SPMIP7: variants seen among roughly 807,000 people sequenced by gnomAD.
SPMIP7 encodes the protein sperm microtubule inner protein 7, also known as protein SPMIP7.
the SPMIP7 span, among the ~76,000 whole-genome samples, chr7:50,125,375 C>CACACATATATATACACATATATAT: frequency 5.7e-5 from 5 of 87,764 alleles, no homozygotes; most frequent in East Asian, 3.2e-4. Flanking sequence ...CATATATATA[C>CACACATATATATACACATATATAT]ACATATACAC....
the SPMIP7 span, chr7:50,141,487 T>C: frequency 7.8e-6 from 6 of 771,804 alleles, no homozygotes; most frequent in African/African-American, 1.7e-5. Context: ...GTGGCTTTTA[T>C]TGAACATTGC....
the SPMIP7 span, among the ~76,000 whole-genome samples, chr7:50,123,448 A>G: frequency 1.4e-5 from 2 of 143,638 alleles, no homozygotes; most frequent in African/African-American, 2.5e-5. Context: ...GGATAGCATT[A>G]GGAGATATAC....
At chr7:50,140,354 G>C in the SPMIP7 span, among the ~76,000 whole-genome samples, 4 of 152,148 alleles carry the variant, frequency 2.6e-5, no homozygotes, top group African/African-American at 7.2e-5. Context: ...CCCATCTAAG[G>C]TTTGATTTTG....
chr7:50,105,511 T>A, the SPMIP7 span, among the ~76,000 whole-genome samples: 1 of 152,228 alleles, frequency 6.6e-6, no homozygotes, highest in African/African-American at 2.4e-5. Context: ...CTTTCTAGTT[T>A]ACTACAAAGG....
chr7:50,134,484 T>G, the SPMIP7 span, among the ~76,000 whole-genome samples: 2 of 152,148 alleles, frequency 1.3e-5, no homozygotes, highest in Non-Finnish European at 2.9e-5. Flanking sequence ...TTCAAAACTT[T>G]TATTGATTAT....
chr7:50,098,747 A>G, the SPMIP7 span, among the ~76,000 whole-genome samples: 1 of 152,004 alleles, frequency 6.6e-6, no homozygotes, highest in Non-Finnish European at 1.5e-5. Flanking sequence ...TGGAGGTCTT[A>G]CCTTATTTGC....
At chr7:50,115,114 G>A in the SPMIP7 span, among the ~76,000 whole-genome samples, 1 of 151,574 alleles carries the variant, frequency 6.6e-6, no homozygotes, top group Non-Finnish European at 1.5e-5. Context: ...TTTAAGGTAA[G>A]ATGTGAAAAT....
the SPMIP7 span, among the ~76,000 whole-genome samples, chr7:50,109,375 ATTT>A: frequency 6.6e-6 from 1 of 151,234 alleles, no homozygotes; most frequent in Non-Finnish European, 1.5e-5. Context: ...TTATTTATTT[ATTT>A]ATTTATTTAT....
the SPMIP7 span, among the ~76,000 whole-genome samples, chr7:50,143,064 T>C: frequency 3.3e-5 from 5 of 152,228 alleles, no homozygotes; most frequent in Middle Eastern, 3.4e-3. Flanking sequence ...GAGAAATGGC[T>C]TTATGATAGT....
the SPMIP7 span, chr7:50,136,254 A>G: frequency 1.1e-6 from 1 of 950,374 alleles, no homozygotes; most frequent in Non-Finnish European, 1.7e-6. Flanking sequence ...CTTGGCTTAG[A>G]GGTGTGGGTG....
the SPMIP7 span, among the ~76,000 whole-genome samples, chr7:50,101,798 C>T: frequency 6.6e-6 from 1 of 152,320 alleles, no homozygotes; most frequent in South Asian, 2.1e-4. Flanking sequence ...TTGTCACAGA[C>T]AGAATCATCC....
At chr7:50,144,827 C>A in the SPMIP7 span, among the ~76,000 whole-genome samples, 2 of 152,018 alleles carry the variant, frequency 1.3e-5, no homozygotes, top group African/African-American at 4.8e-5. Flanking sequence ...TATAGCTAAA[C>A]AATTATCTTT....
At chr7:50,135,552 A>T in the SPMIP7 span, among the ~76,000 whole-genome samples, 1 of 152,236 alleles carries the variant, frequency 6.6e-6, no homozygotes, top group Non-Finnish European at 1.5e-5. Flanking sequence ...AAAGTGAATT[A>T]AAATAAAAAT....
chr7:50,114,368 GACA>G, the SPMIP7 span, among the ~76,000 whole-genome samples: 1 of 152,036 alleles, frequency 6.6e-6, no homozygotes, highest in South Asian at 2.1e-4. Context: ...TAGTATAAGG[GACA>G]GCAAAGAAAA....
the SPMIP7 span, among the ~76,000 whole-genome samples, chr7:50,135,730 G>T: frequency 1.3e-5 from 2 of 152,132 alleles, no homozygotes; most frequent in Admixed American, 1.3e-4. Context: ...ATCTAGGCTC[G>T]TTTGGAAGTG....
the SPMIP7 span, among the ~76,000 whole-genome samples, chr7:50,125,151 CA>C: frequency 4.5e-5 from 5 of 111,976 alleles, 1 homozygote; most frequent in Non-Finnish European, 9.3e-5. Flanking sequence ...CATATACACA[CA>C]TATATATACA....
At chr7:50,132,493 C>G in the SPMIP7 span, among the ~76,000 whole-genome samples, 1 of 152,096 alleles carries the variant, frequency 6.6e-6, no homozygotes, top group Non-Finnish European at 1.5e-5. Flanking sequence ...TAAGTAGTTT[C>G]TCTTTAAACA....
At chr7:50,123,812 G>A in the SPMIP7 span, among the ~76,000 whole-genome samples, 12 of 134,370 alleles carry the variant, frequency 8.9e-5, no homozygotes, top group Non-Finnish European at 1.8e-4. Flanking sequence ...AGAAAAAAAA[G>A]GAACAGAGAA....
the SPMIP7 span, chr7:50,151,375 G>C: frequency 1.8e-6 from 2 of 1,130,318 alleles, no homozygotes; most frequent in Admixed American, 4.6e-5. Flanking sequence ...ATATTTGGGT[G>C]CTAGTTACCA....
Sources: gnomAD v4.1 joint callset for allele counts (sites outside exome capture counted in the v4.1 genomes callset) on GRCh38, gnomAD v4.1.1 for gene constraint, MANE v1.5 for transcripts, NCBI Gene and HGNC (gene_info 2026-07-23, HGNC 2026-07-21) for gene names.